Variants in NUDCD2 observed in about 807,000 individuals in gnomAD.
NUDCD2 encodes the protein nudC domain-containing protein 2.
Under a neutral mutation model 20.8 loss-of-function variants are expected in NUDCD2, and 16 were observed. That is an observed-to-expected ratio of 0.77 (90% CI 0.52 to 1.17). The LOEUF is 1.17. NUDCD2 is among the 50% of genes most tolerant of loss of function. The pLI is 0.00. For synonymous variants in NUDCD2, 87 were observed against 72.8 expected, an observed-to-expected ratio of 1.20 and a Z score of -1.00; for missense variants, 199 against 193.9, an observed-to-expected ratio of 1.03 and a Z score of -0.16.
At position 163,447,785 on chromosome 5, in the gene NUDCD2, C is replaced by G. The variant is rs1230029425; in HGVS notation, c.*6182G>C. 2.0e-5 allele frequency: 3 copies of G among 152,014 alleles called. No homozygotes were observed. The highest frequency in any genetic ancestry group is 2.9e-5 in the Non-Finnish European group (2 of 68,002). 9.4% of individuals were successfully genotyped at this position (152,014 alleles called of 1,614,324 possible). ...TTGACCATAATCTAGAAATCAGTAA[C>G]AGCAAGAAAATCTCCAAACACTTGG... On this transcript the variant is annotated 3_prime_UTR_variant, in exon 4 of 4. Transcript: ENST00000302764.
At chr5:163,458,494 C>G (rs1461997139) in intron 1 of NUDCD2, among the ~76,000 whole-genome samples, 1 of 151,992 alleles carries the variant, frequency 6.6e-6, no homozygotes, top group Middle Eastern at 3.2e-3. Flanking sequence ...ACTTTGGAGG[C>G]CAACGTGGAT....
intron 3 of NUDCD2, 42 bp downstream of exon 3, chr5:163,456,887 A>G (rs779331736): frequency 1.6e-6 from 2 of 1,225,810 alleles, no homozygotes; most frequent in East Asian, 2.7e-5. Context: ...GATGATTTTT[A>G]TATATTTAAT....
At chr5:163,454,645 G>C (rs1475809572) in intron 3 of NUDCD2, among the ~76,000 whole-genome samples, 1 of 152,086 alleles carries the variant, frequency 6.6e-6, no homozygotes, top group East Asian at 1.9e-4. Flanking sequence ...CCAGCCTATA[G>C]CTAGCATTTT....
chr5:163,458,598 A>T (rs78025532), intron 1 of NUDCD2, among the ~76,000 whole-genome samples: 10 of 151,100 alleles, frequency 6.6e-5, no homozygotes, highest in East Asian at 1.9e-4. Context: ...ATAAATATAT[A>T]TTTTTTTTTA....
chr5:163,454,814 G>A (rs1758262250), intron 3 of NUDCD2, among the ~76,000 whole-genome samples: 1 of 151,974 alleles, frequency 6.6e-6, no homozygotes, highest in Non-Finnish European at 1.5e-5. Context: ...CTACTGTTTG[G>A]GAGACCATTA....
chr5:163,457,883 C>A (rs558184249), intron 1 of NUDCD2, among the ~76,000 whole-genome samples: 3 of 151,606 alleles, frequency 2.0e-5, no homozygotes, highest in African/African-American at 7.3e-5. Flanking sequence ...ATACTGACCA[C>A]TGGCCAAATG....
At position 163,456,919 on chromosome 5, in the gene NUDCD2, T is replaced by A. The variant is rs1324460215; in HGVS notation, c.390+10A>T. 6.3e-7 allele frequency: 1 copy of A among 1,591,644 alleles called. No individual in the cohort carries two copies. Among genetic ancestry groups the A allele is most frequent in the Admixed American group, 1.8e-5 (1 of 56,950 alleles). On this transcript the variant is annotated intron_variant, in intron 3 of 3. Transcript: ENST00000302764. ...TAATTACACATACTCATACACTTCA[T>A]CTGACTTACTTCTTTTTGGAATCTC...
rs1464236999 is a variant in NUDCD2, at chr5:163,453,393, G to A, written c.*574C>T. The A allele has an allele frequency of 6.6e-6, 1 of 152,128 alleles. No individual in the cohort carries two copies. Among genetic ancestry groups the A allele is most frequent in the East Asian group, 1.9e-4 (1 of 5,196 alleles). The allele number at this position is 152,128 out of a possible 1,614,324, so 9.4% of individuals were successfully genotyped here. On this transcript the variant is annotated 3_prime_UTR_variant, in exon 4 of 4. Coordinates refer to ENST00000302764, the MANE Select transcript of NUDCD2 (RefSeq NM_145266.6). Reference sequence around the variant, plus strand: ...GTGTTAATCCACTTCTATTGTTAGGGTTTTAACTATTTTTAAACTTCTTGA... The same window carrying A: ...GTGTTAATCCACTTCTATTGTTAGGATTTTAACTATTTTTAAACTTCTTGA...
chr5:163,451,252 C>T lies in NUDCD2; in HGVS notation c.*2715G>A, dbSNP rs1174827472. ...ATACTAAAAGCTACTGAATTACACA[C>T]CTTAAATGGGTGAAATGTATGTTGT... On this transcript the variant is annotated 3_prime_UTR_variant, in exon 4 of 4. Transcript: ENST00000302764. The T allele has an allele frequency of 2.0e-5, 3 of 152,136 alleles. No homozygotes were observed. The highest frequency in any genetic ancestry group is 7.2e-5 in the African/African-American group (3 of 41,398). 9.4% of individuals were successfully genotyped at this position (152,136 alleles called of 1,614,324 possible).
chr5:163,455,917 G>GGTA (rs1470937048), intron 3 of NUDCD2, among the ~76,000 whole-genome samples: 2 of 152,106 alleles, frequency 1.3e-5, no homozygotes, highest in Admixed American at 1.3e-4. Flanking sequence ...ATATTTCGAA[G>GGTA]GTAGCATCAG....
chr5:163,456,758 G>A lies in NUDCD2; in HGVS notation c.390+171C>T, dbSNP rs75693765. Among the ~76,000 whole-genome samples the A allele has an allele frequency of 6.4e-3, 967 of 152,138 alleles. 10 individuals carry two copies. Among genetic ancestry groups the A allele is most frequent in the African/African-American group, 0.022 (895 of 41,500 alleles). Reference sequence around the variant, plus strand: ...TAAATTCCTCTCAAGAAAATCTTCCGAAAAATCAAATCCATACAAGAAAGG... The same window carrying A: ...TAAATTCCTCTCAAGAAAATCTTCCAAAAAATCAAATCCATACAAGAAAGG... On this transcript the variant is annotated intron_variant, in intron 3 of 3. Transcript: ENST00000302764.
Position 163,460,029 on chromosome 5 carries a change from G to A in NUDCD2, c.22C>T (p.Arg8Trp), listed in dbSNP as rs1256872042. Residue 8 changes from arginine to tryptophan, a missense_variant, in exon 1 of 4, where the codon CGG becomes TGG. Physicochemically the swap from Arg to Trp is moderately radical, Grantham distance 101 (BLOSUM62 -3). Coordinates refer to ENST00000302764, the MANE Select transcript of NUDCD2 (RefSeq NM_145266.6). Reference protein sequence around the residue: MSAPFEERSGVVPCGTPW... With the variant: MSAPFEEWSGVVPCGTPW... ...GTCCCGCACGGTACCACCCCACTCCGCTCCTCAAACGGGGCCGACATAATC... is the reference window on the plus strand; with the variant it reads ...GTCCCGCACGGTACCACCCCACTCCACTCCTCAAACGGGGCCGACATAATC... 22 of 1,596,398 alleles carry A rather than the reference G, an allele frequency of 1.4e-5. No homozygotes were observed. Among genetic ancestry groups the A allele is most frequent in the Non-Finnish European group, 1.9e-5 (22 of 1,172,694 alleles).
At position 163,449,718 on chromosome 5, in the gene NUDCD2, A is replaced by G. The variant is rs761594404; in HGVS notation, c.*4249T>C. 5.3e-5 allele frequency: 8 copies of G among 152,248 alleles called. No homozygotes were observed. The highest frequency in any genetic ancestry group is 1.0e-4 in the Non-Finnish European group (7 of 68,040). 9.4% of individuals were successfully genotyped at this position (152,248 alleles called of 1,614,324 possible). On this transcript the variant is annotated 3_prime_UTR_variant, in exon 4 of 4. Transcript: ENST00000302764. ...GGCAATCTGGTATTTATGAAAGGATAAACACATAGATCGATGGAATAAAGT... is the reference window on the plus strand; with the variant it reads ...GGCAATCTGGTATTTATGAAAGGATGAACACATAGATCGATGGAATAAAGT...
Position 163,453,334 on chromosome 5 carries a change from A to C in NUDCD2, c.*633T>G, listed in dbSNP as rs922013597. 2 of 152,102 alleles carry C rather than the reference A, an allele frequency of 1.3e-5. No individual in the cohort carries two copies. Among genetic ancestry groups the C allele is most frequent in the Non-Finnish European group, 1.5e-5 (1 of 67,988 alleles). 9.4% of individuals were successfully genotyped at this position (152,102 alleles called of 1,614,324 possible). On this transcript the variant is annotated 3_prime_UTR_variant, in exon 4 of 4. Transcript: ENST00000302764. Reference sequence around the variant, plus strand: ...CTTACTTTGCTTTCTGCCACAAAGGACTCACCTAATTACCATGATCACACT... The same window carrying C: ...CTTACTTTGCTTTCTGCCACAAAGGCCTCACCTAATTACCATGATCACACT...
At chr5:163,457,497 C>A in intron 2 of NUDCD2, 65 bp downstream of exon 2, 1 of 977,110 alleles carries the variant, frequency 1.0e-6, no homozygotes, top group Non-Finnish European at 1.6e-6. Context: ...AGACCTAATA[C>A]AAAAGAGGAA....
At position 163,449,078 on chromosome 5, in the gene NUDCD2, C is replaced by T. The variant is rs1581175363; in HGVS notation, c.*4889G>A. The T allele has an allele frequency of 6.6e-6, 1 of 152,204 alleles. No individual in the cohort carries two copies. Among genetic ancestry groups the T allele is most frequent in the East Asian group, 1.9e-4 (1 of 5,188 alleles). 9.4% of individuals were successfully genotyped at this position (152,204 alleles called of 1,614,324 possible). A position where few individuals can be genotyped will look rare whatever the true frequency, so the allele number is the denominator to read the frequency against. On this transcript the variant is annotated 3_prime_UTR_variant, in exon 4 of 4. Transcript: ENST00000302764. Reference sequence around the variant, plus strand: ...ACTTTCTCCATGTTATTGTTCTGGCCACTGCAATCAGGCAAGAAAAATCAT... The same window carrying T: ...ACTTTCTCCATGTTATTGTTCTGGCTACTGCAATCAGGCAAGAAAAATCAT...
intron 1 of NUDCD2, among the ~76,000 whole-genome samples, chr5:163,457,942 CAAG>C (rs1458583119): frequency 6.8e-6 from 1 of 147,834 alleles, no homozygotes; most frequent in Non-Finnish European, 1.5e-5. Context: ...AAATTAACCA[CAAG>C]AAGGGATCTC....
Position 163,447,522 on chromosome 5 carries a change from A to G in NUDCD2, c.*6445T>C, listed in dbSNP as rs111492503. ...TGGACAAATCTTCATTTACAGTTGG[A>G]AACTTAAACATTCCTCTCTCAGTAG... On this transcript the variant is annotated 3_prime_UTR_variant, in exon 4 of 4. Transcript: ENST00000302764. 6.6e-6 allele frequency: 1 copy of G among 152,142 alleles called. No homozygotes were observed. Among genetic ancestry groups the G allele is most frequent in the Non-Finnish European group, 1.5e-5 (1 of 68,028 alleles). The allele number at this position is 152,142 out of a possible 1,614,324, so 9.4% of individuals were successfully genotyped here.
In NUDCD2 at chr5:163,447,732, A is replaced by G. The variant is rs941835749; in HGVS notation, c.*6235T>C. On this transcript the variant is annotated 3_prime_UTR_variant, in exon 4 of 4. Coordinates refer to ENST00000302764, the MANE Select transcript of NUDCD2 (RefSeq NM_145266.6). ...GGTCTTAAACCTTAACAAATTTAAA[A>G]GAGATGAAATCATATAAAATATGTT... 1 of 152,228 alleles carries G rather than the reference A, an allele frequency of 6.6e-6. No homozygotes were observed. The highest frequency in any genetic ancestry group is 1.5e-5 in the Non-Finnish European group (1 of 68,026). The allele number at this position is 152,228 out of a possible 1,614,324, so 9.4% of individuals were successfully genotyped here.
Sources: gnomAD v4.1 joint callset for allele counts (sites outside exome capture counted in the v4.1 genomes callset) on GRCh38, gnomAD v4.1.1 for gene constraint, MANE v1.5 for transcripts, NCBI Gene and HGNC (gene_info 2026-07-23, HGNC 2026-07-21) for gene names.